The following CMTM8 variants were observed in gnomAD, a reference collection of about 807,000 sequenced individuals.
CMTM8 encodes CKLF-like MARVEL transmembrane domain-containing protein 8.
A neutral mutation model predicts 18.6 loss-of-function variants in CMTM8; 12 were observed. That is an observed-to-expected ratio of 0.65 (90% CI 0.41 to 1.05). The LOEUF (loss-of-function observed/expected upper bound fraction) is 1.05, where lower values mean the gene tolerates loss of function less well. Ranked by LOEUF, CMTM8 falls within the 50% of genes least tolerant of loss-of-function variation. The pLI, the probability that CMTM8 is intolerant of heterozygous loss-of-function variation, is 0.00. For synonymous variants in CMTM8, 87 were observed against 90.6 expected (o/e 0.96, Z 0.23); for missense variants, 217 against 227.2 (o/e 0.95, Z 0.29).
At chr3:32,334,530 C>T (rs1463281409) in intron 1 of CMTM8, among the ~76,000 whole-genome samples, 1 of 151,464 alleles carries the variant, frequency 6.6e-6, no homozygotes, top group African/African-American at 2.4e-5. Context: ...GGTGTGAACC[C>T]AGGAGGCAGA....
intron 1 of CMTM8, among the ~76,000 whole-genome samples, chr3:32,288,692 GCA>G (rs1702726872): frequency 2.6e-5 from 4 of 152,126 alleles, no homozygotes; most frequent in Non-Finnish European, 5.9e-5. Context: ...AGTAGAGACG[GCA>G]TTTCACCATG....
intron 1 of CMTM8, among the ~76,000 whole-genome samples, chr3:32,334,265 A>G (rs1412951166): frequency 6.6e-6 from 1 of 150,740 alleles, no homozygotes; most frequent in African/African-American, 2.4e-5. Context: ...GGCGTGAGCC[A>G]CCACACCTGG....
rs1559378745 is a variant in CMTM8, at chr3:32,319,072, A to ATTTTTTTTTT, written c.148-38300_148-38299insTTTTTTTTTT. ...TGTGTATATACATATATATATATAT[A>ATTTTTTTTTT]TATTTTTTTTTTTTTTTTTTTTTGA... is the stretch of plus-strand genomic sequence containing the variant. On this transcript the variant is annotated intron_variant, in intron 1 of 3. Coordinates refer to ENST00000307526, the MANE Select transcript of CMTM8 (RefSeq NM_178868.5). Among the ~76,000 whole-genome samples the ATTTTTTTTTT allele has an allele frequency of 1.2e-3, 29 of 24,408 alleles. 1 individual carries two copies. The South Asian group carries it at 0.026, about 22-fold the overall frequency. The allele number at this position is 24,408 out of a possible 152,430, so 16.0% of individuals were successfully genotyped here.
intron 1 of CMTM8, among the ~76,000 whole-genome samples, chr3:32,289,999 T>C (rs1212579407): frequency 6.6e-6 from 1 of 152,132 alleles, no homozygotes; most frequent in Non-Finnish European, 1.5e-5. Context: ...GGTGTAGTGG[T>C]GCACACCTGT....
chr3:32,276,196 C>T (rs1575156221), intron 1 of CMTM8, among the ~76,000 whole-genome samples: 1 of 152,118 alleles, frequency 6.6e-6, no homozygotes. Flanking sequence ...TCGTCCTCCT[C>T]CTCTCCAAAT....
intron 1 of CMTM8, among the ~76,000 whole-genome samples, chr3:32,314,190 G>A (rs1695877189): frequency 1.3e-5 from 2 of 152,146 alleles, no homozygotes; most frequent in Admixed American, 6.5e-5. Context: ...TCAACCATTG[G>A]GCCCTCTGGA....
intron 1 of CMTM8, among the ~76,000 whole-genome samples, chr3:32,252,026 G>A (rs1702116741): frequency 6.6e-6 from 1 of 152,074 alleles, no homozygotes; most frequent in South Asian, 2.1e-4. Flanking sequence ...GGAAGTGGAG[G>A]TTGCAGTGAG....
intron 1 of CMTM8, among the ~76,000 whole-genome samples, chr3:32,267,375 T>G (rs1702365580): frequency 6.6e-6 from 1 of 152,204 alleles, no homozygotes; most frequent in South Asian, 2.1e-4. Context: ...TAATAAATGG[T>G]GCTGGGAAAA....
At chr3:32,308,106 TATC>T (rs1695751364) in intron 1 of CMTM8, among the ~76,000 whole-genome samples, 1 of 152,176 alleles carries the variant, frequency 6.6e-6, no homozygotes, top group South Asian at 2.1e-4. Context: ...ATTTAATTGT[TATC>T]ATAAGAGACT....
intron 1 of CMTM8, among the ~76,000 whole-genome samples, chr3:32,312,057 T>C (rs1363183922): frequency 2.6e-5 from 4 of 152,224 alleles, no homozygotes; most frequent in Non-Finnish European, 4.4e-5. Flanking sequence ...GTAACATTGA[T>C]GAGAGATTGG....
chr3:32,268,914 G>T (rs1003446554), intron 1 of CMTM8, among the ~76,000 whole-genome samples: 1 of 152,126 alleles, frequency 6.6e-6, no homozygotes, highest in African/African-American at 2.4e-5. Context: ...CTTTCTGGGG[G>T]GAAAATAGGG....
intron 2 of CMTM8, among the ~76,000 whole-genome samples, chr3:32,361,285 A>AATTT (rs1696919922): frequency 2.1e-4 from 5 of 23,908 alleles, no homozygotes; most frequent in African/African-American, 4.6e-4. Context: ...CCAGCCTAAG[A>AATTT]GTTTTTTTTT....
At chr3:32,331,876 A>G (rs1006976903) in intron 1 of CMTM8, among the ~76,000 whole-genome samples, 1 of 152,186 alleles carries the variant, frequency 6.6e-6, no homozygotes, top group Non-Finnish European at 1.5e-5. Context: ...CCAAGGGATA[A>G]AGAGAGGGTG....
intron 1 of CMTM8, among the ~76,000 whole-genome samples, chr3:32,242,147 C>T (rs542915669): frequency 6.6e-6 from 1 of 152,328 alleles, no homozygotes; most frequent in South Asian, 2.1e-4. Context: ...TGGGGGGACA[C>T]ACAGCCTCTT....
In CMTM8 at chr3:32,272,100, C is replaced by T. The variant is rs530604000; in HGVS notation, c.147+32981C>T. Among the ~76,000 whole-genome samples the T allele has an allele frequency of 2.0e-5, 3 of 152,246 alleles. No individual in the cohort carries two copies. In the East Asian group the frequency reaches 5.8e-4, roughly 29 times the overall value. Reference sequence around the variant, plus strand: ...AGATAATTATACAAGTTATAGAATTCTAACTTGGCAGTTATTTTTGTCTCA... The same window carrying T: ...AGATAATTATACAAGTTATAGAATTTTAACTTGGCAGTTATTTTTGTCTCA... On this transcript the variant is annotated intron_variant, in intron 1 of 3. Transcript: ENST00000307526.
At chr3:32,278,797 TC>T (rs1702558220) in intron 1 of CMTM8, among the ~76,000 whole-genome samples, 1 of 152,222 alleles carries the variant, frequency 6.6e-6, no homozygotes, top group Admixed American at 6.5e-5. Context: ...TAAGGGTCAG[TC>T]CTGTTTACTG....
At chr3:32,278,125 C>T (rs1026036113) in intron 1 of CMTM8, among the ~76,000 whole-genome samples, 17 of 152,190 alleles carry the variant, frequency 1.1e-4, no homozygotes, top group African/African-American at 4.1e-4. Flanking sequence ...ATCCTGTCTG[C>T]TCCAGCCTTC....
At position 32,358,388 on chromosome 3, in the gene CMTM8, C is replaced by CA. The variant is rs1478102554; in HGVS notation, c.321+850dup. On this transcript the variant is annotated intron_variant, in intron 2 of 3. Coordinates refer to ENST00000307526, the MANE Select transcript of CMTM8 (RefSeq NM_178868.5). The surrounding 1 kb of genome is among the most constrained non-coding windows in gnomAD (Gnocchi z 4.1). Reference sequence around the variant, plus strand: ...AAATTCAAAGTAGCTAAATGATTTACAAAAAAAATCCCAGTGGTACCACAT... The same window carrying CA: ...AAATTCAAAGTAGCTAAATGATTTACAAAAAAAAATCCCAGTGGTACCACAT... Among the ~76,000 whole-genome samples the CA allele has an allele frequency of 5.9e-5, 9 of 152,090 alleles. No homozygotes were observed. Among genetic ancestry groups the CA allele is most frequent in the South Asian group, 4.2e-4 (2 of 4,810 alleles).
chr3:32,275,953 C>T (rs1006516850), intron 1 of CMTM8, among the ~76,000 whole-genome samples: 2 of 152,038 alleles, frequency 1.3e-5, no homozygotes, highest in Admixed American at 6.6e-5. Flanking sequence ...GTATGTACTT[C>T]AGTTAATTCC....
Sources: allele counts gnomAD v4.1 joint callset (sites outside exome capture counted in the v4.1 genomes callset), GRCh38; gene constraint gnomAD v4.1.1; non-coding constraint Gnocchi (gnomAD v3.1); transcripts MANE v1.5; gene names NCBI Gene and HGNC (gene_info 2026-07-23, HGNC 2026-07-21).